PCNA: variants seen among roughly 807,000 people sequenced by gnomAD.
The protein encoded by PCNA is proliferating cell nuclear antigen.
Under a neutral mutation model 27.8 loss-of-function variants are expected in PCNA, and 4 were observed. That is an observed-to-expected ratio of 0.14 (90% CI 0.07 to 0.33). The LOEUF is 0.33. Among genes scored for constraint, PCNA ranks in the 10% least tolerant of loss-of-function variants. The pLI, the probability that PCNA is intolerant of heterozygous loss-of-function variation, is 1.00. For synonymous variants in PCNA, 121 were observed against 119.4 expected (o/e 1.01, Z -0.09); for missense variants, 165 against 327.4 (o/e 0.50, Z 3.83).
At chr20:5,117,722 CCTCA>C (rs1427797881) in intron 3 of PCNA, 58 bp from the exon 4 acceptor site, 3 of 1,093,584 alleles carry the variant, frequency 2.7e-6, no homozygotes, top group Non-Finnish European at 2.7e-6. Flanking sequence ...GATTTGGCAC[CCTCA>C]CTTTCTTAAA....
intron 1 of PCNA, among the ~76,000 whole-genome samples, chr20:5,125,094 T>G (rs2090538291): frequency 6.6e-6 from 1 of 152,152 alleles, no homozygotes. Context: ...ATCCCAGAAC[T>G]TTAGGAGGCC....
At chr20:5,121,321 A>G (rs2090516103), upstream of PCNA, 4 of 150,930 alleles carry the variant, frequency 2.7e-5, no homozygotes, top group South Asian at 8.3e-4. Flanking sequence ...CATATTCTCA[A>G]TCATTATGGC....
intron 1 of PCNA, among the ~76,000 whole-genome samples, chr20:5,125,307 C>T (rs946905726): frequency 6.6e-6 from 1 of 152,114 alleles, no homozygotes; most frequent in African/African-American, 2.4e-5. Flanking sequence ...CCAAAACTCA[C>T]AGCTCAGGTC....
chr20:5,119,449 G>A, intron 1 of PCNA, 129 bp downstream of exon 1: 2 of 740,082 alleles, frequency 2.7e-6, no homozygotes, highest in East Asian at 2.7e-5. Flanking sequence ...CCACCCCACT[G>A]CGTGGCAGGC....
At chr20:5,125,533 A>G (rs919036126) in intron 1 of PCNA, among the ~76,000 whole-genome samples, 3 of 152,192 alleles carry the variant, frequency 2.0e-5, no homozygotes, top group African/African-American at 7.2e-5. Context: ...TTTTTAAAAA[A>G]CGAAATTGCA....
At chr20:5,122,130 C>T (rs577314325), upstream of PCNA, among the ~76,000 whole-genome samples, 3 of 152,130 alleles carry the variant, frequency 2.0e-5, no homozygotes, top group South Asian at 2.1e-4. Flanking sequence ...TACAGGCATG[C>T]GCCATCACAC....
At chr20:5,120,699 T>C (rs1297537278), upstream of PCNA, among the ~76,000 whole-genome samples, 1 of 152,210 alleles carries the variant, frequency 6.6e-6, no homozygotes, top group Non-Finnish European at 1.5e-5. Context: ...ATCAATCTCC[T>C]GTTGTTTAAC....
chr20:5,125,297 C>T (rs2090539885), intron 1 of PCNA, among the ~76,000 whole-genome samples: 2 of 151,988 alleles, frequency 1.3e-5, no homozygotes, highest in South Asian at 2.1e-4. Flanking sequence ...ACTACCTGCC[C>T]CAAAACTCAC....
Position 5,125,393 on chromosome 20 carries a change from G to A in PCNA, c.-117+1107C>T, listed in dbSNP as rs577720069. ...TCCCAGCACTTTGGGAGACCTAGGC[G>A]GGAGGATCTCTTGAACCCAGGAGTT... On this transcript the variant is annotated intron_variant, in intron 1 of 6. Coordinates refer to the PCNA transcript ENST00000379160. 3.6e-3 allele frequency among the ~76,000 whole-genome samples: 544 copies of A among 152,210 alleles called. 3 individuals are homozygous for A. The highest frequency in any genetic ancestry group is 0.012 in the African/African-American group (507 of 41,530).
chr20:5,118,677 T>C lies in PCNA; in HGVS notation c.320A>G (p.Asn107Ser). 5 of 1,613,644 alleles carry C rather than the reference T, an allele frequency of 3.1e-6. No homozygotes were observed. The highest frequency in any genetic ancestry group is 4.2e-6 in the Non-Finnish European group (5 of 1,179,492). Residue 107 changes from asparagine to serine, a missense_variant and splice_region_variant, in exon 3 of 6, where the codon AAC (asparagine) becomes AGC (serine). Physicochemically the swap from Asn to Ser is conservative, Grantham distance 46 (BLOSUM62 1). Transcript: ENST00000379143. Reference sequence around the variant, plus strand: ...TTCATAGTCTGAAACTTTCTCCTGGTCTACCAAAAGAAAGCAGATGCTTTT... The same window carrying C: ...TTCATAGTCTGAAACTTTCTCCTGGCCTACCAAAAGAAAGCAGATGCTTTT... ...DTLALVFEAP[N>S]QEKVSDYEMK...
rs549630786 is a variant in PCNA, at chr20:5,125,069, T to G, written c.-117+1431A>C. Among the ~76,000 whole-genome samples, 9 of 152,326 alleles carry G rather than the reference T, an allele frequency of 5.9e-5. No homozygotes were observed. The East Asian group carries it at 1.7e-3, about 29-fold the overall frequency. On this transcript the variant is annotated intron_variant, in intron 1 of 6. Coordinates refer to the PCNA transcript ENST00000379160. ...AGAAGATCATCTTGCTCGAGTGCTG[T>G]GGCTCATGCCTGTAATCCCAGAACT... is the stretch of plus-strand genomic sequence containing the variant.
chr20:5,122,242 A>G (rs1245192476), upstream of PCNA, among the ~76,000 whole-genome samples: 1 of 152,100 alleles, frequency 6.6e-6, no homozygotes, highest in Non-Finnish European at 1.5e-5. Context: ...TTGGCCTCCC[A>G]AAGTGCTGGG....
chr20:5,122,498 GTC>G (rs375327325), upstream of PCNA, among the ~76,000 whole-genome samples: 30 of 152,234 alleles, frequency 2.0e-4, no homozygotes, highest in East Asian at 5.0e-3. Flanking sequence ...CTATTCTATT[GTC>G]TCTGGAATTT....
chr20:5,117,106 C>A (rs2090480375), intron 4 of PCNA, among the ~76,000 whole-genome samples: 1 of 152,188 alleles, frequency 6.6e-6, no homozygotes, highest in Admixed American at 6.6e-5. Flanking sequence ...GACTTTTACT[C>A]CTAACCATAT....
chr20:5,117,672 G>C lies in PCNA; in HGVS notation c.388-8C>G. 1 of 1,514,814 alleles carries C rather than the reference G, an allele frequency of 6.6e-7. No homozygotes were observed. Among genetic ancestry groups the C allele is most frequent in the South Asian group, 1.3e-5 (1 of 76,152 alleles). 93.8% of individuals were successfully genotyped at this position (1,514,814 alleles called of 1,614,324 possible). ...ACAGCTGTACTCCTGTTCCTATTAA[G>C]AACAAAAATTTTCCAAAAGTTAATT... On this transcript the variant is annotated splice_polypyrimidine_tract_variant and splice_region_variant and intron_variant, in intron 3 of 5. Coordinates refer to ENST00000379143, the MANE Select transcript of PCNA (RefSeq NM_182649.2).
chr20:5,125,022 C>G (rs1318779518), intron 1 of PCNA, among the ~76,000 whole-genome samples: 5 of 152,198 alleles, frequency 3.3e-5, no homozygotes, highest in African/African-American at 1.2e-4. Context: ...AAGTTCTAGA[C>G]ACTAACATCT....
At chr20:5,119,464 G>T in intron 1 of PCNA, 114 bp downstream of exon 1, 1 of 832,254 alleles carries the variant, frequency 1.2e-6, no homozygotes, top group South Asian at 1.8e-5. Flanking sequence ...GCAGGCCAAT[G>T]AGAAGGCGCG....
At chr20:5,116,692 A>G (rs767864894) in intron 4 of PCNA, among the ~76,000 whole-genome samples, 2 of 152,126 alleles carry the variant, frequency 1.3e-5, no homozygotes, top group Non-Finnish European at 2.9e-5. Flanking sequence ...TTGCTCTGTC[A>G]CCCAGGCTGG....
chr20:5,114,967 C>T lies in PCNA; in HGVS notation c.*316G>A, dbSNP rs577155052. On this transcript the variant is annotated 3_prime_UTR_variant, in exon 6 of 6. Transcript: ENST00000379143. ...ACACTGCCCTGTGATGTTTGAAATT[C>T]AAGTAACTTTATTTAAATTCAAAAA... 51 of 234,292 alleles carry T rather than the reference C, an allele frequency of 2.2e-4. No homozygotes were observed. The highest frequency in any genetic ancestry group is 4.2e-4 in the South Asian group (8 of 18,860). The allele number at this position is 234,292 out of a possible 1,614,324, so 14.5% of individuals were successfully genotyped here. A position where few individuals can be genotyped will look rare whatever the true frequency, so the allele number is the denominator to read the frequency against.
Sources: allele counts gnomAD v4.1 joint callset (sites outside exome capture counted in the v4.1 genomes callset), GRCh38; gene constraint gnomAD v4.1.1; transcripts MANE v1.5; gene names NCBI Gene and HGNC (gene_info 2026-07-23, HGNC 2026-07-21).